The following STK4 variants were observed in gnomAD, a reference collection of about 807,000 sequenced individuals.
The protein encoded by STK4 is serine/threonine-protein kinase 4.
Under a neutral mutation model 64.9 loss-of-function variants are expected in STK4, and 30 were observed. The ratio of observed to expected loss-of-function variants is 0.46; its 90% CI spans 0.35 to 0.63. The LOEUF (loss-of-function observed/expected upper bound fraction) is 0.63. Among genes scored for constraint, STK4 ranks in the 20% least tolerant of loss-of-function variants. STK4 has a pLI of 0.01. For synonymous variants in STK4, 177 were observed against 199.0 expected (o/e 0.89, Z 0.93); for missense variants, 466 against 598.5 (o/e 0.78, Z 2.31).
intron 10 of STK4, among the ~76,000 whole-genome samples, chr20:45,074,602 G>A (rs919305996): frequency 6.6e-5 from 10 of 152,250 alleles, no homozygotes; most frequent in Non-Finnish European, 1.2e-4. Flanking sequence ...TGGGAAAGGC[G>A]CTGTCCAGAT....
At chr20:45,048,554 G>T (rs2068730030) in intron 10 of STK4, among the ~76,000 whole-genome samples, 1 of 151,858 alleles carries the variant, frequency 6.6e-6, no homozygotes, top group African/African-American at 2.4e-5. Context: ...TGCCCAGGCT[G>T]GAGTGCAGTG....
At chr20:45,020,476 GTTTA>G (rs2068228124) in intron 9 of STK4, among the ~76,000 whole-genome samples, 1 of 145,744 alleles carries the variant, frequency 6.9e-6, no homozygotes, top group African/African-American at 2.7e-5. Flanking sequence ...GTATGTTTAT[GTTTA>G]TGTTTATGTT....
chr20:44,969,195 C>A (rs1056590903), intron 1 of STK4, among the ~76,000 whole-genome samples: 1 of 152,178 alleles, frequency 6.6e-6, no homozygotes, highest in African/African-American at 2.4e-5. Context: ...ATTAGGACTT[C>A]AGCATATGAA....
At chr20:45,041,416 T>C (rs549636127) in intron 10 of STK4, among the ~76,000 whole-genome samples, 1 of 152,306 alleles carries the variant, frequency 6.6e-6, no homozygotes, top group African/African-American at 2.4e-5. Context: ...TTGTTAATTA[T>C]ATATCCTAGA....
chr20:45,000,035 T>C (rs2067806981), intron 7 of STK4, among the ~76,000 whole-genome samples: 1 of 152,218 alleles, frequency 6.6e-6, no homozygotes, highest in Admixed American at 6.5e-5. Context: ...TTTGCAAAAT[T>C]GCTAATGTCC....
chr20:45,059,049 A>G (rs1235067201), intron 10 of STK4, among the ~76,000 whole-genome samples: 2 of 152,090 alleles, frequency 1.3e-5, no homozygotes, highest in African/African-American at 4.8e-5. Flanking sequence ...AAGACCCCCC[A>G]CTGGACACCT....
intron 5 of STK4, among the ~76,000 whole-genome samples, chr20:44,994,015 A>G (rs1430553570): frequency 6.6e-6 from 1 of 151,976 alleles, no homozygotes; most frequent in Non-Finnish European, 1.5e-5. Flanking sequence ...GCTAAAGCAT[A>G]GGAACTGTAG....
At chr20:45,052,060 T>C (rs2068784688) in intron 10 of STK4, among the ~76,000 whole-genome samples, 2 of 152,242 alleles carry the variant, frequency 1.3e-5, no homozygotes, top group African/African-American at 4.8e-5. Context: ...AAACCTGTAA[T>C]GCACGTAAAG....
At chr20:44,969,513 G>C (rs67651814) in intron 1 of STK4, among the ~76,000 whole-genome samples, 38,910 of 146,118 alleles carry the variant, frequency 0.27, 5,636 homozygotes, top group Middle Eastern at 0.43. Flanking sequence ...ATTTGTGTGT[G>C]TGTGTGATTA....
At chr20:44,983,373 C>A (rs532888443) in intron 4 of STK4, among the ~76,000 whole-genome samples, 1 of 152,068 alleles carries the variant, frequency 6.6e-6, no homozygotes, top group Non-Finnish European at 1.5e-5. Flanking sequence ...GAGGCTGAGG[C>A]GGAGGATTGC....
At chr20:45,046,007 A>C (rs545477126) in intron 10 of STK4, among the ~76,000 whole-genome samples, 1 of 151,940 alleles carries the variant, frequency 6.6e-6, no homozygotes, top group African/African-American at 2.4e-5. Flanking sequence ...GGGTTTCACC[A>C]TGTTGGCCGG....
At chr20:45,026,744 G>A (rs775746595) in intron 10 of STK4, among the ~76,000 whole-genome samples, 38 of 152,274 alleles carry the variant, frequency 2.5e-4, no homozygotes, top group Non-Finnish European at 4.9e-4. Context: ...TAGCGTTTCT[G>A]AACACAGGTG....
intron 6 of STK4, among the ~76,000 whole-genome samples, chr20:44,996,274 A>G (rs1177476859): frequency 6.6e-6 from 1 of 152,066 alleles, no homozygotes; most frequent in Non-Finnish European, 1.5e-5. Context: ...CTCACACCCT[A>G]AGCAGTTCCC....
intron 10 of STK4, among the ~76,000 whole-genome samples, chr20:45,036,638 C>G (rs1218959970): frequency 6.6e-6 from 1 of 152,146 alleles, no homozygotes. Context: ...TTGCTAAGAT[C>G]TGTGGTAAGA....
At chr20:45,070,105 G>T (rs1174921295) in intron 10 of STK4, among the ~76,000 whole-genome samples, 1 of 152,180 alleles carries the variant, frequency 6.6e-6, no homozygotes, top group Non-Finnish European at 1.5e-5. Context: ...AAAAAGTATG[G>T]CCTGTTTGAG....
intron 10 of STK4, among the ~76,000 whole-genome samples, chr20:45,036,081 TGA>T (rs1316442978): frequency 1.3e-5 from 2 of 152,176 alleles, no homozygotes; most frequent in Admixed American, 6.5e-5. Flanking sequence ...TGAAAATCAC[TGA>T]GAGAGTAGAT....
rs937735290 is a variant in STK4 at position 45,024,998 on chromosome 20, G to A, written c.1173G>A (p.Ala391=). 6.8e-6 allele frequency: 11 copies of A among 1,610,768 alleles called. No individual in the cohort carries two copies. The highest frequency in any genetic ancestry group is 3.3e-4 in the Middle Eastern group (2 of 6,068). The change falls in exon 10 of 11, where the codon GCG becomes GCA. Residue 391 remains alanine, a synonymous_variant. Transcript: ENST00000372806. ...GAAGGGATGAGACCATGCAGCCTGC[G>A]AAACCATCCTTTCTTGAATATTTTG... ...MKRRDETMQP[A]KPSFLEYFEQ... is the part of the protein sequence containing the mutation.
At chr20:45,063,831 G>A (rs550442994) in intron 10 of STK4, among the ~76,000 whole-genome samples, 9 of 150,512 alleles carry the variant, frequency 6.0e-5, no homozygotes, top group East Asian at 4.0e-4. Flanking sequence ...TTTTTGAGAC[G>A]GAGTCTCGCT....
At chr20:45,021,765 C>T (rs1242255836) in intron 9 of STK4, among the ~76,000 whole-genome samples, 1 of 152,174 alleles carries the variant, frequency 6.6e-6, no homozygotes. Flanking sequence ...TTGCTTTATG[C>T]CTGTACACAT....
Sources: gnomAD v4.1 joint callset for allele counts (sites outside exome capture counted in the v4.1 genomes callset) on GRCh38, gnomAD v4.1.1 for gene constraint, MANE v1.5 for transcripts, NCBI Gene and HGNC (gene_info 2026-07-23, HGNC 2026-07-21) for gene names.